Variants in FAT3 observed in about 807,000 individuals in gnomAD.
The protein encoded by FAT3 is protocadherin Fat 3.
Under a neutral mutation model 310.2 loss-of-function variants are expected in FAT3, and 95 were observed. The observed-to-expected ratio is 0.31, with a 90% CI of 0.26 to 0.36. The LOEUF is 0.36. FAT3 is among the 10% of genes least tolerant of loss of function. The probability of loss-of-function intolerance (pLI) is 1.00; values close to 1 mark genes in which losing one functional copy is unlikely to be tolerated. For synonymous variants in FAT3, 2,314 were observed against 2,192.9 expected, an observed-to-expected ratio of 1.06 and a Z score of -1.54; for missense variants, 5,408 against 5,715.6, an observed-to-expected ratio of 0.95 and a Z score of 1.74.
chr11:92,712,782 G>A (rs1003114032), intron 4 of FAT3, among the ~76,000 whole-genome samples: 17 of 152,152 alleles, frequency 1.1e-4, no homozygotes, highest in Admixed American at 2.6e-4. Context: ...GGGCAGTTCC[G>A]AAACTGTAGC....
At chr11:92,829,424 T>C (rs1469499526) in intron 13 of FAT3, among the ~76,000 whole-genome samples, 1 of 152,228 alleles carries the variant, frequency 6.6e-6, no homozygotes, top group East Asian at 1.9e-4. Flanking sequence ...TGTGTTTCCA[T>C]AAATGCATTT....
chr11:92,488,990 C>T (rs1467274438), intron 2 of FAT3, among the ~76,000 whole-genome samples: 4 of 152,122 alleles, frequency 2.6e-5, no homozygotes, highest in African/African-American at 7.2e-5. Context: ...ATAGTAGTAG[C>T]TTACTCCATC....
In FAT3 at chr11:92,260,403, T is replaced by G. The variant is rs998379400; in HGVS notation, c.-18+35229T>G. 2.0e-5 allele frequency among the ~76,000 whole-genome samples: 3 copies of G among 152,242 alleles called. No individual in the cohort carries two copies. In the South Asian group the frequency reaches 6.2e-4, roughly 32 times the overall value. On this transcript the variant is annotated intron_variant, in intron 1 of 27. Coordinates refer to ENST00000525166, the MANE Select transcript of FAT3 (RefSeq NM_001367949.2). ...GGAAGAGAAGAAATCTTTATCAGCT[T>G]TCTTACTTGGTTATAGAAGTGGTAA... is the stretch of plus-strand genomic sequence containing the variant.
rs869247397 is a variant in FAT3, at chr11:92,442,081, T to TTA, written c.3293-82523_3293-82522dup. 6.6e-3 allele frequency among the ~76,000 whole-genome samples: 461 copies of TTA among 69,918 alleles called. 11 individuals carry two copies. Among genetic ancestry groups the TTA allele is most frequent in the African/African-American group, 9.6e-3 (117 of 12,134 alleles). 45.9% of individuals were successfully genotyped at this position (69,918 alleles called of 152,430 possible). ...GTGCAAAACTTAAGAAATATATATT[T>TTA]TATATATATATATATATATATATAT... On this transcript the variant is annotated intron_variant, in intron 2 of 27. Transcript: ENST00000525166.
At chr11:92,594,254 G>T (rs1388604442) in intron 3 of FAT3, among the ~76,000 whole-genome samples, 1 of 152,128 alleles carries the variant, frequency 6.6e-6, no homozygotes, top group Admixed American at 6.5e-5. Flanking sequence ...AGCAGCCTGG[G>T]CAACATGGAG....
At chr11:92,797,010 A>G (rs1947192782) in intron 9 of FAT3, among the ~76,000 whole-genome samples, 2 of 152,308 alleles carry the variant, frequency 1.3e-5, no homozygotes, top group South Asian at 2.1e-4. Context: ...CAGATTCCCA[A>G]CAGTTTCTTG....
chr11:92,567,291 A>T (rs1565418572), intron 3 of FAT3, among the ~76,000 whole-genome samples: 2 of 142,078 alleles, frequency 1.4e-5, no homozygotes, highest in African/African-American at 5.3e-5. Context: ...AAAAATGCTC[A>T]CCATCACTGG....
chr11:92,442,081 TTATATATATATA>T (rs869247397), intron 2 of FAT3, among the ~76,000 whole-genome samples: 2,117 of 69,342 alleles, frequency 0.031, 330 homozygotes, highest in Middle Eastern at 0.064. Flanking sequence ...AATATATATT[TTATATATATATA>T]TATATATATA....
At chr11:92,886,038 C>G (rs1342653723) in intron 24 of FAT3, among the ~76,000 whole-genome samples, 2 of 152,184 alleles carry the variant, frequency 1.3e-5, no homozygotes, top group Admixed American at 1.3e-4. Context: ...AAGTCTGTAT[C>G]TCTTTGTACC....
intron 3 of FAT3, among the ~76,000 whole-genome samples, chr11:92,551,414 T>TTGTTTTGTGTGTA (rs35238743): frequency 7.8e-6 from 1 of 128,876 alleles, no homozygotes; most frequent in African/African-American, 2.9e-5. Flanking sequence ...TTTTTTTGTT[T>TTGTTTTGTGTGTA]TGTGTGTGTG....
chr11:92,317,600 C>G (rs1019713612), intron 1 of FAT3, among the ~76,000 whole-genome samples: 1 of 152,170 alleles, frequency 6.6e-6, no homozygotes, highest in African/African-American at 2.4e-5. Flanking sequence ...GTATCTATGG[C>G]TTTTTCATGG....
chr11:92,836,008 A>G (rs1948397081), intron 15 of FAT3, among the ~76,000 whole-genome samples: 1 of 152,154 alleles, frequency 6.6e-6, no homozygotes, highest in South Asian at 2.1e-4. Flanking sequence ...GCTGGAGGAC[A>G]GTACATTTCT....
At chr11:92,729,267 G>T (rs1302760036) in intron 4 of FAT3, among the ~76,000 whole-genome samples, 1 of 152,042 alleles carries the variant, frequency 6.6e-6, no homozygotes, top group Non-Finnish European at 1.5e-5. Context: ...CTCGATAAAT[G>T]TCATTGTTAT....
At chr11:92,785,547 A>T (rs1366324843) in intron 7 of FAT3, among the ~76,000 whole-genome samples, 1 of 152,178 alleles carries the variant, frequency 6.6e-6, no homozygotes. Context: ...AATATACAAA[A>T]ATCAATAGCC....
chr11:92,709,119 GCCAGC>G (rs1267935821), intron 4 of FAT3, among the ~76,000 whole-genome samples: 1 of 152,162 alleles, frequency 6.6e-6, no homozygotes, highest in Non-Finnish European at 1.5e-5. Context: ...ATTTCCCCCG[GCCAGC>G]CATGTTCAGG....
chr11:92,545,620 C>A (rs616596), intron 3 of FAT3, among the ~76,000 whole-genome samples: 84,979 of 152,052 alleles, frequency 0.56, 24,227 homozygotes, highest in East Asian at 0.78. Flanking sequence ...GCCAGGTAGT[C>A]GGTAAGATTT....
rs1261850689 is a variant in FAT3 at position 92,875,264 on chromosome 11, C to T, written c.12128-5467C>T. Among the ~76,000 whole-genome samples, 3 of 114,942 alleles carry T rather than the reference C, an allele frequency of 2.6e-5. No homozygotes were observed. In the East Asian group the frequency reaches 7.7e-4, roughly 30 times the overall value. 75.4% of individuals were successfully genotyped at this position (114,942 alleles called of 152,430 possible). On this transcript the variant is annotated intron_variant, in intron 22 of 27. Transcript: ENST00000525166. ...CGAATTTAAAGTTCTAAAAGCAAGA[C>T]TTCTTCCAAAAGGCTCTGCCTCCTA...
chr11:92,782,619 C>T (rs1009713840), intron 7 of FAT3, among the ~76,000 whole-genome samples: 1 of 152,166 alleles, frequency 6.6e-6, no homozygotes, highest in South Asian at 2.1e-4. Flanking sequence ...TATCTCTATG[C>T]TCCACAGCCA....
chr11:92,848,763 C>A (rs1182089085), intron 19 of FAT3, among the ~76,000 whole-genome samples: 2 of 152,240 alleles, frequency 1.3e-5, no homozygotes, highest in Non-Finnish European at 2.9e-5. Context: ...AGAAATGAGT[C>A]AGACACCAGC....
Sources: gnomAD v4.1 joint callset for allele counts (sites outside exome capture counted in the v4.1 genomes callset) on GRCh38, gnomAD v4.1.1 for gene constraint, MANE v1.5 for transcripts, NCBI Gene and HGNC (gene_info 2026-07-23, HGNC 2026-07-21) for gene names.